RAPGEF5: variants seen among roughly 807,000 people sequenced by gnomAD.
The protein encoded by RAPGEF5 is M-Ras-regulated GEF.
Under a neutral mutation model 125.2 loss-of-function variants are expected in RAPGEF5, and 65 were observed. The ratio of observed to expected loss-of-function variants is 0.52; its 90% CI spans 0.43 to 0.64. The LOEUF is 0.64. RAPGEF5 is among the 30% of genes least tolerant of loss of function. The pLI, the probability that RAPGEF5 is intolerant of heterozygous loss-of-function variation, is 0.00. For missense variants in RAPGEF5, 958 were observed against 1,048.1 expected (o/e 0.91, Z 1.19); for synonymous variants, 391 against 385.9 (o/e 1.01, Z -0.16).
At chr7:22,267,393 C>G (rs568987793) in intron 6 of RAPGEF5, among the ~76,000 whole-genome samples, 1 of 152,142 alleles carries the variant, frequency 6.6e-6, no homozygotes, top group Non-Finnish European at 1.5e-5. Context: ...ACTTATCCCT[C>G]AAAGATGCTA....
rs1782558026 is a variant in RAPGEF5 at position 22,120,718 on chromosome 7, AC to A, written c.*1687del. On this transcript the variant is annotated 3_prime_UTR_variant, in exon 26 of 26. Transcript: ENST00000665637. The surrounding 1 kb of genome is among the most constrained non-coding windows in gnomAD (Gnocchi z 4.0). Reference sequence around the variant, plus strand: ...GCCCTGGAGGATGCCCTTCTATAAAACCCTATAAATGTTCAGGACTGAAGTT... The same window carrying A: ...GCCCTGGAGGATGCCCTTCTATAAAACCTATAAATGTTCAGGACTGAAGTT... The A allele has an allele frequency of 6.6e-6, 1 of 152,154 alleles. No individual in the cohort carries two copies. The highest frequency in any genetic ancestry group is 6.6e-5 in the Admixed American group (1 of 15,262). The allele number at this position is 152,154 out of a possible 1,614,324, so 9.4% of individuals were successfully genotyped here.
At chr7:22,324,225 A>G (rs1471309667) in intron 1 of RAPGEF5, among the ~76,000 whole-genome samples, 4 of 152,190 alleles carry the variant, frequency 2.6e-5, no homozygotes, top group East Asian at 1.9e-4. Context: ...ACCTGAATAT[A>G]ATGACAAAAT....
chr7:22,308,400 C>T lies in RAPGEF5; in HGVS notation c.619G>A (p.Gly207Ser), dbSNP rs1783393734. 1.3e-6 allele frequency: 2 copies of T among 1,586,184 alleles called. No individual in the cohort carries two copies. Among genetic ancestry groups the T allele is most frequent in the East Asian group, 2.3e-5 (1 of 43,990 alleles). Reference sequence around the variant, plus strand: ...ACAAGTTGCAGTAAAAGCTTGACACCATTTTGCCATTCTTCTTCTCTTTCA... The same window carrying T: ...ACAAGTTGCAGTAAAAGCTTGACACTATTTTGCCATTCTTCTTCTCTTTCA... ...EFEREEEWQN[G>S]VKLLLQLVPL... Residue 207 changes from glycine (G) to serine (S), a missense_variant, in exon 5 of 26, where the codon GGT becomes AGT. By Grantham distance (56) the Gly-to-Ser change is moderately conservative (BLOSUM62 0). Transcript: ENST00000665637.
intron 1 of RAPGEF5, among the ~76,000 whole-genome samples, chr7:22,320,829 C>T (rs567393330): frequency 6.6e-6 from 1 of 152,298 alleles, no homozygotes; most frequent in African/African-American, 2.4e-5. Context: ...TGCCAGAAGG[C>T]ATAGGATCTA....
At chr7:22,193,871 G>C (rs1785080442) in intron 10 of RAPGEF5, 44 bp downstream of exon 10, 3 of 1,612,176 alleles carry the variant, frequency 1.9e-6, no homozygotes, top group Non-Finnish European at 2.5e-6. Flanking sequence ...GCAGGGAAAA[G>C]GAAACGGGAG....
chr7:22,227,566 G>A (rs1373140781), intron 8 of RAPGEF5, among the ~76,000 whole-genome samples: 2 of 152,204 alleles, frequency 1.3e-5, no homozygotes, highest in East Asian at 3.9e-4. Context: ...AAGGCCAAGT[G>A]TAGTGGCTAA....
At chr7:22,143,862 C>T (rs906479048) in intron 20 of RAPGEF5, among the ~76,000 whole-genome samples, 14 of 152,242 alleles carry the variant, frequency 9.2e-5, no homozygotes, top group Admixed American at 1.3e-4. Flanking sequence ...CACTGCACGC[C>T]TCACAAAGGC....
intron 6 of RAPGEF5, among the ~76,000 whole-genome samples, chr7:22,268,429 A>G (rs1562498732): frequency 6.6e-6 from 1 of 152,358 alleles, no homozygotes; most frequent in East Asian, 1.9e-4. Flanking sequence ...ATGCATACTC[A>G]AATAAATTTA....
At chr7:22,198,855 C>T (rs921626179) in intron 9 of RAPGEF5, among the ~76,000 whole-genome samples, 1 of 152,046 alleles carries the variant, frequency 6.6e-6, no homozygotes, top group Admixed American at 6.6e-5. Flanking sequence ...AGACAGGAGC[C>T]CAGAGATTAA....
chr7:22,188,031 T>A (rs1195726037), intron 11 of RAPGEF5, among the ~76,000 whole-genome samples: 1 of 152,230 alleles, frequency 6.6e-6, no homozygotes, highest in Non-Finnish European at 1.5e-5. Context: ...CACTGGTCTG[T>A]TTATTACATG....
intron 11 of RAPGEF5, among the ~76,000 whole-genome samples, chr7:22,186,458 T>C (rs997399538): frequency 3.9e-5 from 6 of 152,196 alleles, no homozygotes; most frequent in Non-Finnish European, 8.8e-5. Context: ...GATATAGTTA[T>C]CCCAAATTAG....
intron 5 of RAPGEF5, among the ~76,000 whole-genome samples, chr7:22,308,119 T>C (rs903021385): frequency 2.0e-5 from 3 of 152,216 alleles, no homozygotes; most frequent in African/African-American, 7.2e-5. Context: ...ATGGTACAGA[T>C]GGTTAGGCAT....
In RAPGEF5 at chr7:22,344,385, A is replaced by G. The variant is rs145093206; in HGVS notation, c.231+12445T>C. Among the ~76,000 whole-genome samples, 548 of 152,268 alleles carry G rather than the reference A, an allele frequency of 3.6e-3. 5 individuals are homozygous for G. The highest frequency in any genetic ancestry group is 0.012 in the African/African-American group (515 of 41,556). On this transcript the variant is annotated intron_variant, in intron 1 of 25. Coordinates refer to ENST00000665637, the MANE Select transcript of RAPGEF5 (RefSeq NM_012294.5). The stretch of plus-strand genomic sequence containing the variant: ...ACAGCACAAAGGGACCAGTCATGAC[A>G]AGCCTTGAACAGTTCGAGGCCTGAC...
At chr7:22,310,841 C>G (rs1378915041) in intron 3 of RAPGEF5, among the ~76,000 whole-genome samples, 1 of 152,138 alleles carries the variant, frequency 6.6e-6, no homozygotes, top group Non-Finnish European at 1.5e-5. Context: ...TTTTTGTAAT[C>G]TGTCTTAAAA....
intron 1 of RAPGEF5, among the ~76,000 whole-genome samples, chr7:22,348,057 T>A (rs1784259085): frequency 6.6e-6 from 1 of 152,204 alleles, no homozygotes; most frequent in African/African-American, 2.4e-5. Flanking sequence ...TGTAAAACCA[T>A]GATGCTGCTT....
At chr7:22,224,720 G>C (rs933568545) in intron 8 of RAPGEF5, among the ~76,000 whole-genome samples, 1 of 152,030 alleles carries the variant, frequency 6.6e-6, no homozygotes, top group Non-Finnish European at 1.5e-5. Context: ...TGGGGAGCCT[G>C]TTCCCTCCTT....
At chr7:22,183,653 G>A (rs1784743424) in intron 11 of RAPGEF5, among the ~76,000 whole-genome samples, 1 of 152,158 alleles carries the variant, frequency 6.6e-6, no homozygotes, top group Non-Finnish European at 1.5e-5. Context: ...AGTTTACACA[G>A]GAAAACCGGG....
chr7:22,147,463 C>G (rs777625702), intron 18 of RAPGEF5, among the ~76,000 whole-genome samples: 1 of 152,166 alleles, frequency 6.6e-6, no homozygotes, highest in Non-Finnish European at 1.5e-5. Context: ...ACAGGAAATA[C>G]GTTTAGCAAG....
At chr7:22,261,065 C>T (rs903281333) in intron 7 of RAPGEF5, among the ~76,000 whole-genome samples, 19 of 152,226 alleles carry the variant, frequency 1.2e-4, no homozygotes, top group African/African-American at 4.3e-4. Context: ...ACACCATATA[C>T]ATAAAATTAA....
Sources: gnomAD v4.1 joint callset for allele counts (sites outside exome capture counted in the v4.1 genomes callset) on GRCh38, gnomAD v4.1.1 for gene constraint, Gnocchi (gnomAD v3.1) non-coding constraint, MANE v1.5 for transcripts, NCBI Gene and HGNC (gene_info 2026-07-23, HGNC 2026-07-21) for gene names.